The following MITF variants were observed in gnomAD, a reference collection of about 807,000 sequenced individuals.
MITF encodes melanocyte inducing transcription factor.
In MITF, 17 loss-of-function variants were observed where a neutral mutation model predicts 60.5. The observed-to-expected ratio is 0.28, with a 90% CI of 0.19 to 0.42. MITF has a LOEUF of 0.42. MITF is among the 10% of genes least tolerant of loss of function. The pLI is 1.00. For synonymous variants in MITF, 260 were observed against 248.5 expected, an observed-to-expected ratio of 1.05 and a Z score of -0.43; for missense variants, 622 against 683.5, an observed-to-expected ratio of 0.91 and a Z score of 1.00.
At chr3:69,880,333 T>C (rs1206037513) in intron 2 of MITF, among the ~76,000 whole-genome samples, 1 of 152,170 alleles carries the variant, frequency 6.6e-6, no homozygotes, top group African/African-American at 2.4e-5. Context: ...TGATGTGTTA[T>C]AATCAGGAAT....
At chr3:69,743,661 A>G (rs1161562334) in intron 1 of MITF, among the ~76,000 whole-genome samples, 1 of 152,208 alleles carries the variant, frequency 6.6e-6, no homozygotes, top group African/African-American at 2.4e-5. Context: ...TCCTCCGACA[A>G]GGTTTTAGAA....
chr3:69,912,015 A>C (rs1288697056), intron 2 of MITF, among the ~76,000 whole-genome samples: 1 of 152,242 alleles, frequency 6.6e-6, no homozygotes, highest in Non-Finnish European at 1.5e-5. Flanking sequence ...CTAAATGCCC[A>C]TCAATAAGGG....
chr3:69,762,104 G>T (rs2062220185), intron 1 of MITF, among the ~76,000 whole-genome samples: 1 of 152,158 alleles, frequency 6.6e-6, no homozygotes, highest in Admixed American at 6.5e-5. Context: ...GTTGTGTAAT[G>T]AGCATAACTT....
rs1228314156 is a variant in MITF, at chr3:69,739,508, C to G, written c.-90C>G. On this transcript the variant is annotated 5_prime_UTR_variant, in exon 1 of 10. Transcript: ENST00000352241. ...GAGCTCGGCACTGCGCCGGGGCGCA[C>G]GGCTCGGGGGACCCAGGCCCAGCTA... is the stretch of plus-strand genomic sequence containing the variant. The G allele has an allele frequency of 6.5e-6, 8 of 1,237,036 alleles. No individual in the cohort carries two copies. 76.6% of individuals were successfully genotyped at this position (1,237,036 alleles called of 1,614,324 possible). A position where few individuals can be genotyped will look rare whatever the true frequency, so the allele number is the denominator to read the frequency against.
At chr3:69,903,413 A>G (rs941551001) in intron 2 of MITF, among the ~76,000 whole-genome samples, 1 of 152,076 alleles carries the variant, frequency 6.6e-6, no homozygotes, top group Non-Finnish European at 1.5e-5. Context: ...GTGACCTGAG[A>G]CCTTCTTCTG....
chr3:69,742,133 A>C (rs780153243), intron 1 of MITF, among the ~76,000 whole-genome samples: 44 of 152,208 alleles, frequency 2.9e-4, no homozygotes, highest in Non-Finnish European at 5.6e-4. Flanking sequence ...TGCAATACCC[A>C]CATTTAGTGA....
chr3:69,959,700 ACTGT>A (rs907460844), intron 9 of MITF, among the ~76,000 whole-genome samples: 3 of 152,114 alleles, frequency 2.0e-5, no homozygotes, highest in African/African-American at 7.2e-5. Context: ...CCTGAGGTTG[ACTGT>A]CTGCTGTCTT....
At chr3:69,883,743 C>T (rs1054267018) in intron 2 of MITF, among the ~76,000 whole-genome samples, 1 of 152,110 alleles carries the variant, frequency 6.6e-6, no homozygotes, top group East Asian at 1.9e-4. Context: ...TTTGTCCCCT[C>T]AGTTAGGGGA....
intron 1 of MITF, among the ~76,000 whole-genome samples, chr3:69,781,757 C>T (rs2062568253): frequency 6.6e-6 from 1 of 152,230 alleles, no homozygotes; most frequent in East Asian, 1.9e-4. Context: ...CTCCTAGCCA[C>T]AGCAGCAGGT....
At chr3:69,878,120 C>T (rs576675750) in intron 1 of MITF, among the ~76,000 whole-genome samples, 1 of 152,110 alleles carries the variant, frequency 6.6e-6, no homozygotes, top group East Asian at 1.9e-4. Flanking sequence ...CCCCAAAATC[C>T]CTAGGAAGTA....
At chr3:69,808,478 A>T (rs899247666) in intron 1 of MITF, among the ~76,000 whole-genome samples, 8 of 152,142 alleles carry the variant, frequency 5.3e-5, no homozygotes, top group Admixed American at 2.6e-4. Flanking sequence ...AGTGAATACC[A>T]ATTTATAGCT....
intron 1 of MITF, among the ~76,000 whole-genome samples, chr3:69,796,494 CTTTT>C (rs767834091): frequency 0.19 from 15,017 of 79,696 alleles, 705 homozygotes; most frequent in Middle Eastern, 0.3. Context: ...CACCGTCTTT[CTTTT>C]TTTTTTTTTT....
chr3:69,827,844 C>T (rs945200394), intron 1 of MITF, among the ~76,000 whole-genome samples: 6 of 152,060 alleles, frequency 3.9e-5, no homozygotes, highest in African/African-American at 1.4e-4. Flanking sequence ...CTGATGACTT[C>T]CTGTTTCTCA....
chr3:69,815,712 G>A (rs1015418327), intron 1 of MITF, among the ~76,000 whole-genome samples: 3 of 152,164 alleles, frequency 2.0e-5, no homozygotes, highest in African/African-American at 7.2e-5. Flanking sequence ...TGTGTGTGGG[G>A]TAGGGGAGTT....
At position 69,948,977 on chromosome 3, in the gene MITF, G is replaced by A. The variant is rs2066171307; in HGVS notation, c.763-74G>A. ...TTTTTCTTAAATAAATCCTAGAGTA[G>A]GATATAGGTTTTATCTGAAAAAACA... On this transcript the variant is annotated intron_variant, in intron 5 of 9. Coordinates refer to ENST00000352241, the MANE Select transcript of MITF (RefSeq NM_001354604.2). The A allele has an allele frequency of 7.5e-6, 8 of 1,067,774 alleles. 1 individual carries two copies. The highest frequency in any genetic ancestry group is 3.8e-5 in the South Asian group (3 of 79,098). 66.1% of individuals were successfully genotyped at this position (1,067,774 alleles called of 1,614,324 possible). A position where few individuals can be genotyped will look rare whatever the true frequency, so the allele number is the denominator to read the frequency against.
chr3:69,822,459 T>C (rs2063290791), intron 1 of MITF, among the ~76,000 whole-genome samples: 1 of 152,234 alleles, frequency 6.6e-6, no homozygotes, highest in Non-Finnish European at 1.5e-5. Flanking sequence ...ATTCCATTCC[T>C]GGCACTGTCA....
intron 1 of MITF, among the ~76,000 whole-genome samples, chr3:69,858,782 A>T (rs1029799549): frequency 2.6e-5 from 4 of 152,182 alleles, no homozygotes; most frequent in African/African-American, 9.7e-5. Flanking sequence ...ACCTCTTAAG[A>T]TATCAAAATT....
At chr3:69,781,886 A>G (rs933323279) in intron 1 of MITF, among the ~76,000 whole-genome samples, 5 of 152,182 alleles carry the variant, frequency 3.3e-5, no homozygotes, top group African/African-American at 9.7e-5. Flanking sequence ...TTCTAAATGT[A>G]CTTTCTACCC....
chr3:69,950,852 CTT>C (rs1034041403), intron 6 of MITF, among the ~76,000 whole-genome samples: 3 of 152,142 alleles, frequency 2.0e-5, no homozygotes, highest in South Asian at 2.1e-4. Flanking sequence ...AAAGTAATCT[CTT>C]ATCCCAGAGA....
Sources: gnomAD v4.1 joint callset for allele counts (sites outside exome capture counted in the v4.1 genomes callset) on GRCh38, gnomAD v4.1.1 for gene constraint, MANE v1.5 for transcripts, NCBI Gene and HGNC (gene_info 2026-07-23, HGNC 2026-07-21) for gene names.